TATDN2: variants seen among roughly 807,000 people sequenced by gnomAD.
TATDN2 encodes the protein TatD DNase domain containing 2.
TATDN2 carries 44 observed loss-of-function variants against 60.3 expected under a neutral mutation model. That is an observed-to-expected ratio of 0.73 (90% CI 0.57 to 0.94). The LOEUF (loss-of-function observed/expected upper bound fraction) is 0.94, where lower values mean the gene tolerates loss of function less well. TATDN2 is among the 40% of genes least tolerant of loss of function. The pLI, the probability that TATDN2 is intolerant of heterozygous loss-of-function variation, is 0.00. For synonymous variants in TATDN2, 399 were observed against 355.8 expected, an observed-to-expected ratio of 1.12 and a Z score of -1.37; for missense variants, 997 against 948.0, an observed-to-expected ratio of 1.05 and a Z score of -0.68.
rs1698676968 is a variant in TATDN2, at chr3:10,278,828, A to G, written c.2146-57A>G. On this transcript the variant is annotated intron_variant, in intron 6 of 7. Transcript: ENST00000448281. The surrounding 1 kb of genome is among the most constrained non-coding windows in gnomAD (Gnocchi z 4.7). Reference sequence around the variant, plus strand: ...GGGGAAGGGACAGGGAGGGAGTTCTAGATTATGACTGTGCACACATGGCAC... The same window carrying G: ...GGGGAAGGGACAGGGAGGGAGTTCTGGATTATGACTGTGCACACATGGCAC... 1.2e-6 allele frequency: 2 copies of G among 1,612,788 alleles called. No individual in the cohort carries two copies. Among genetic ancestry groups the G allele is most frequent in the Non-Finnish European group, 1.7e-6 (2 of 1,179,650 alleles).
Position 10,248,966 on chromosome 3 carries a change from G to A in TATDN2, c.-108G>A, listed in dbSNP as rs904571490. On this transcript the variant is annotated 5_prime_UTR_variant, in exon 1 of 8. Coordinates refer to ENST00000448281, the MANE Select transcript of TATDN2 (RefSeq NM_014760.4). The stretch of plus-strand genomic sequence containing the variant: ...GCACGTTGTGGGCTTGGAAACCGAC[G>A]GCAGCCTTTAGTCAATTTTGGATCG... 65 of 432,722 alleles carry A rather than the reference G, an allele frequency of 1.5e-4. 2 individuals are homozygous for A. In the Middle Eastern group the frequency reaches 2.4e-3, roughly 16 times the overall value. 26.8% of individuals were successfully genotyped at this position (432,722 alleles called of 1,614,324 possible). A position where few individuals can be genotyped will look rare whatever the true frequency, so the allele number is the denominator to read the frequency against.
Position 10,280,824 on chromosome 3 carries a change from A to G in TATDN2, c.*1642A>G, listed in dbSNP as rs1008193951. On this transcript the variant is annotated 3_prime_UTR_variant, in exon 8 of 8. Coordinates refer to ENST00000448281, the MANE Select transcript of TATDN2 (RefSeq NM_014760.4). ...TGGAAGACTTGGGGGACTGCCGAGCATATCAAAGTGTTTATAGTCACCAAG... is the reference window on the plus strand; with the variant it reads ...TGGAAGACTTGGGGGACTGCCGAGCGTATCAAAGTGTTTATAGTCACCAAG... 6.5e-6 allele frequency: 1 copy of G among 153,906 alleles called. No homozygotes were observed. The highest frequency in any genetic ancestry group is 1.9e-4 in the East Asian group (1 of 5,194). The allele number at this position is 153,906 out of a possible 1,614,324, so 9.5% of individuals were successfully genotyped here. A position where few individuals can be genotyped will look rare whatever the true frequency, so the allele number is the denominator to read the frequency against.
chr3:10,269,178 A>T (rs559241472), intron 3 of TATDN2, among the ~76,000 whole-genome samples: 48 of 152,292 alleles, frequency 3.2e-4, no homozygotes, highest in African/African-American at 1.1e-3. Flanking sequence ...GCAGGATGTC[A>T]TTTGGGTTGC....
intron 5 of TATDN2, among the ~76,000 whole-genome samples, chr3:10,277,451 C>T (rs769894321): frequency 3.3e-5 from 5 of 152,114 alleles, no homozygotes; most frequent in Non-Finnish European, 7.4e-5. Context: ...ATTATCATAG[C>T]CCAGCCAGAA....
chr3:10,258,082 G>A (rs978101010), intron 2 of TATDN2, among the ~76,000 whole-genome samples: 2 of 150,968 alleles, frequency 1.3e-5, no homozygotes, highest in Non-Finnish European at 3.0e-5. Flanking sequence ...GGATGGTCTC[G>A]ATGGGCCCGC....
chr3:10,249,489 G>T lies in TATDN2; in HGVS notation c.289G>T (p.Ala97Ser). ...CTTGGGCCCTGGTGTGGGCGGGGCCGCCTCCAAAGGCTGCCTGATTCGGAA... is the reference window on the plus strand; with the variant it reads ...CTTGGGCCCTGGTGTGGGCGGGGCCTCCTCCAAAGGCTGCCTGATTCGGAA... ...HFLGPGVGGA[A>S]SKGCLIRNTR... Residue 97 changes from alanine to serine, a missense_variant, in exon 2 of 8, where the codon GCC becomes TCC. Ala to Ser is a moderately conservative substitution (Grantham distance 99). Transcript: ENST00000448281. The T allele has an allele frequency of 1.2e-6, 2 of 1,612,460 alleles. No homozygotes were observed. Among genetic ancestry groups the T allele is most frequent in the Non-Finnish European group, 8.5e-7 (1 of 1,179,306 alleles).
At chr3:10,256,509 G>A (rs1373260722) in intron 2 of TATDN2, among the ~76,000 whole-genome samples, 2 of 151,934 alleles carry the variant, frequency 1.3e-5, no homozygotes, top group East Asian at 3.9e-4. Context: ...TAAACCCACA[G>A]GTCCAGAACC....
At chr3:10,249,134 A>G in intron 1 of TATDN2, 61 bp from the exon 2 acceptor site, 2 of 1,475,044 alleles carry the variant, frequency 1.4e-6, no homozygotes, top group Non-Finnish European at 9.0e-7. Flanking sequence ...GGGTGGCGGG[A>G]ATCTGAGGTG....
chr3:10,270,947 G>A lies in TATDN2; in HGVS notation c.1765G>A (p.Val589Met), dbSNP rs749767833. The change falls in exon 4 of 8, where the codon GTG becomes ATG. Residue 589 changes from valine to methionine, a missense_variant. Val to Met is a conservative substitution (Grantham distance 21). Transcript: ENST00000448281. Reference protein sequence around the residue: ...LLQALRHPKAVAFGEMGLDYS... With the variant: ...LLQALRHPKAMAFGEMGLDYS... ...GCAAGCCTTAAGGCACCCTAAGGCTGTGGCATTTGGAGAAATGGGCTTGGA... is the reference window on the plus strand; with the variant it reads ...GCAAGCCTTAAGGCACCCTAAGGCTATGGCATTTGGAGAAATGGGCTTGGA... 18 of 1,613,444 alleles carry A rather than the reference G, an allele frequency of 1.1e-5. No homozygotes were observed. Among genetic ancestry groups the A allele is most frequent in the Middle Eastern group, 3.3e-4 (2 of 6,078 alleles).
At position 10,248,746 on chromosome 3, in the gene TATDN2, G is replaced by A. The variant is rs1334442522; in HGVS notation, c.-328G>A. 1 of 152,610 alleles carries A rather than the reference G, an allele frequency of 6.6e-6. No individual in the cohort carries two copies. Among genetic ancestry groups the A allele is most frequent in the Non-Finnish European group, 1.5e-5 (1 of 68,368 alleles). 9.5% of individuals were successfully genotyped at this position (152,610 alleles called of 1,614,324 possible). A position where few individuals can be genotyped will look rare whatever the true frequency, so the allele number is the denominator to read the frequency against. The stretch of plus-strand genomic sequence containing the variant: ...CGCCCGGGTCTGGCCCTGGCCTACG[G>A]GCTAAGCGCCCGGCCCCGGGGCCGC... On this transcript the variant is annotated 5_prime_UTR_variant, in exon 1 of 8. Transcript: ENST00000448281.
At chr3:10,252,926 G>A (rs998656006) in intron 2 of TATDN2, among the ~76,000 whole-genome samples, 4 of 144,620 alleles carry the variant, frequency 2.8e-5, no homozygotes, top group African/African-American at 1.0e-4. Flanking sequence ...GTGCAATCTC[G>A]GCTCACTGCA....
At chr3:10,250,097 T>TG (rs1698198865) in intron 2 of TATDN2, among the ~76,000 whole-genome samples, 1 of 152,110 alleles carries the variant, frequency 6.6e-6, no homozygotes, top group African/African-American at 2.4e-5. Flanking sequence ...AACCAAGAAT[T>TG]GCGGTTCTTG....
chr3:10,272,596 G>T (rs1263786920), intron 4 of TATDN2, among the ~76,000 whole-genome samples: 1 of 152,042 alleles, frequency 6.6e-6, no homozygotes, highest in Non-Finnish European at 1.5e-5. Flanking sequence ...CCGCCACCAC[G>T]CCCAGCTAAT....
At chr3:10,253,374 C>G (rs895660358) in intron 2 of TATDN2, among the ~76,000 whole-genome samples, 1 of 152,206 alleles carries the variant, frequency 6.6e-6, no homozygotes, top group African/African-American at 2.4e-5. Context: ...ACATCTTTCT[C>G]TGTGCCAGGT....
chr3:10,276,379 C>G lies in TATDN2; in HGVS notation c.1852C>G (p.Gln618Glu). The change falls in exon 5 of 8, where the codon CAG becomes GAG. Residue 618 changes from glutamine (Q) to glutamate (E), a missense_variant. Physicochemically the swap from Gln to Glu is conservative, Grantham distance 29 (BLOSUM62 2). Transcript: ENST00000448281. ...CTCCTAGGTATTTGAGAGACAGCTGCAGCTGGCTGTGTCTCTAAAGAAGCC... is the reference window on the plus strand; with the variant it reads ...CTCCTAGGTATTTGAGAGACAGCTGGAGCTGGCTGTGTCTCTAAAGAAGCC... ...EQHKVFERQL[Q>E]LAVSLKKPLV... 6.2e-7 allele frequency: 1 copy of G among 1,613,968 alleles called. No individual in the cohort carries two copies. The highest frequency in any genetic ancestry group is 1.1e-5 in the South Asian group (1 of 91,086).
intron 3 of TATDN2, among the ~76,000 whole-genome samples, chr3:10,261,764 G>T (rs1164136597): frequency 6.6e-6 from 1 of 152,170 alleles, no homozygotes; most frequent in Admixed American, 6.5e-5. Context: ...CTTACCCCAT[G>T]TTTCTAAATA....
chr3:10,272,606 T>C (rs1446746143), intron 4 of TATDN2, among the ~76,000 whole-genome samples: 1 of 152,158 alleles, frequency 6.6e-6, no homozygotes, highest in Non-Finnish European at 1.5e-5. Flanking sequence ...GCCCAGCTAA[T>C]TTTTTGTATT....
chr3:10,272,933 G>A (rs979428670), intron 4 of TATDN2, among the ~76,000 whole-genome samples: 1 of 150,412 alleles, frequency 6.6e-6, no homozygotes, highest in African/African-American at 2.5e-5. Flanking sequence ...CAGCTACTCA[G>A]GAGGCTGAGG....
chr3:10,249,826 C>T (rs1196027974), intron 2 of TATDN2, among the ~76,000 whole-genome samples: 1 of 152,180 alleles, frequency 6.6e-6, no homozygotes, highest in East Asian at 1.9e-4. Flanking sequence ...TTTTCAAACT[C>T]GGCAGCACTT....
Sources: gnomAD v4.1 joint callset for allele counts (sites outside exome capture counted in the v4.1 genomes callset) on GRCh38, gnomAD v4.1.1 for gene constraint, Gnocchi (gnomAD v3.1) non-coding constraint, MANE v1.5 for transcripts, NCBI Gene and HGNC (gene_info 2026-07-23, HGNC 2026-07-21) for gene names.